MTRFR: variants seen among roughly 807,000 people sequenced by gnomAD.
The protein encoded by MTRFR is probable peptide chain release factor C12orf65, mitochondrial.
In MTRFR, 10 loss-of-function variants were observed where a neutral mutation model predicts 11.9. The observed-to-expected ratio is 0.84, with a 90% CI of 0.52 to 1.42. The LOEUF is 1.42. MTRFR is among the 40% of genes most tolerant of loss of function. The probability of loss-of-function intolerance (pLI) is 0.00; values close to 1 mark genes in which losing one functional copy is unlikely to be tolerated. For synonymous variants in MTRFR, 77 were observed against 79.1 expected, an observed-to-expected ratio of 0.97 and a Z score of 0.14; for missense variants, 196 against 197.9, an observed-to-expected ratio of 0.99 and a Z score of 0.06.
chr12:123,254,401 G>A (rs2048158621), intron 2 of MTRFR: 1 of 201,362 alleles, frequency 5.0e-6, no homozygotes, highest in African/African-American at 2.3e-5. Flanking sequence ...GAGGCGGCAA[G>A]CAGGCATGGG....
chr12:123,240,013 G>A (rs2047906273), intron 1 of MTRFR, among the ~76,000 whole-genome samples: 1 of 152,050 alleles, frequency 6.6e-6, no homozygotes, highest in South Asian at 2.1e-4. Flanking sequence ...ACTTAGCCTT[G>A]CCATGGGGTG....
chr12:123,244,577 AATC>A (rs1208852757), intron 1 of MTRFR, among the ~76,000 whole-genome samples: 1 of 152,220 alleles, frequency 6.6e-6, no homozygotes, highest in African/African-American at 2.4e-5. Context: ...TTTTACTACA[AATC>A]AGCCTCAAGC....
intron 1 of MTRFR, among the ~76,000 whole-genome samples, chr12:123,241,144 T>G (rs532923580): frequency 6.7e-6 from 1 of 149,416 alleles, no homozygotes; most frequent in South Asian, 2.2e-4. Flanking sequence ...TGGGGTTGTT[T>G]TTTTTTTGTT....
rs539348769 is a variant in MTRFR, at chr12:123,247,544, A to G, written c.-28-6103A>G. ...AAGTTTACGTGAGTCTTTATGTGTT[A>G]GGTGAGTCTCCTGAGGGCAGCAGAT... is the stretch of plus-strand genomic sequence containing the variant. On this transcript the variant is annotated intron_variant, in intron 1 of 2. Transcript: ENST00000253233. Among the ~76,000 whole-genome samples, 28 of 152,300 alleles carry G rather than the reference A, an allele frequency of 1.8e-4. No individual in the cohort carries two copies. In the South Asian group the frequency reaches 5.8e-3, roughly 32 times the overall value.
At chr12:123,251,621 GT>G (rs974287867) in intron 1 of MTRFR, 3 of 152,724 alleles carry the variant, frequency 2.0e-5, no homozygotes, top group Non-Finnish European at 4.4e-5. Flanking sequence ...CAGTGGGGGG[GT>G]GTGTGTTCGG....
chr12:123,252,311 T>C (rs987568784), intron 1 of MTRFR: 1 of 152,108 alleles, frequency 6.6e-6, no homozygotes, highest in Non-Finnish European at 1.5e-5. Flanking sequence ...CTGCCTGTAG[T>C]CTTCACCTAC....
intron 1 of MTRFR, among the ~76,000 whole-genome samples, chr12:123,236,592 C>CA (rs113568323): frequency 0.085 from 9,027 of 105,784 alleles, 286 homozygotes; most frequent in South Asian, 0.15. Context: ...GACCCTGTCT[C>CA]AAAAAAAAAA....
At chr12:123,247,789 C>T (rs2048063411) in intron 1 of MTRFR, among the ~76,000 whole-genome samples, 1 of 151,954 alleles carries the variant, frequency 6.6e-6, no homozygotes, top group Admixed American at 6.6e-5. Flanking sequence ...ACTAAAAATA[C>T]AAAAAATTAG....
chr12:123,256,189 C>T (rs2048180248), intron 2 of MTRFR, among the ~76,000 whole-genome samples: 2 of 152,178 alleles, frequency 1.3e-5, no homozygotes, highest in Admixed American at 1.3e-4. Flanking sequence ...TCAGACAGAA[C>T]TTTATGCTTA....
intron 1 of MTRFR, among the ~76,000 whole-genome samples, chr12:123,251,771 T>C (rs565288358): frequency 1.3e-5 from 2 of 152,212 alleles, no homozygotes; most frequent in Non-Finnish European, 2.9e-5. Flanking sequence ...TTCTTGCAGT[T>C]GATCTAGAGC....
chr12:123,253,821 C>T lies in MTRFR; in HGVS notation c.147C>T (p.Tyr49=), dbSNP rs1221565482. Residue 49 remains tyrosine (Y), a synonymous_variant, in exon 2 of 3, where the codon TAC becomes TAT. Transcript: ENST00000253233. ...TPVQMAGKKD[Y]PALLSLDENE... The stretch of plus-strand genomic sequence containing the variant: ...TCCAGATGGCAGGCAAGAAGGACTA[C>T]CCTGCACTGCTTTCCTTGGATGAGA... 4 of 1,614,096 alleles carry T rather than the reference C, an allele frequency of 2.5e-6. No individual in the cohort carries two copies. The African/African-American group carries it at 4.0e-5, about 16-fold the overall frequency.
intron 1 of MTRFR, among the ~76,000 whole-genome samples, chr12:123,235,218 T>TCTC (rs2047825886): frequency 6.6e-6 from 1 of 152,202 alleles, no homozygotes; most frequent in Admixed American, 6.5e-5. Context: ...GGTAGTAGTA[T>TCTC]CTCCATTCTA....
chr12:123,254,396 G>A (rs192905574), intron 2 of MTRFR: 146 of 201,222 alleles, frequency 7.3e-4, no homozygotes, highest in African/African-American at 2.4e-3. Context: ...CTGAGGAGGC[G>A]GCAAGCAGGC....
intron 1 of MTRFR, among the ~76,000 whole-genome samples, chr12:123,242,334 G>A (rs1053846981): frequency 1.9e-4 from 29 of 152,160 alleles, no homozygotes; most frequent in African/African-American, 4.8e-5. Flanking sequence ...TGTCATGACT[G>A]CTGGTTTCCT....
intron 1 of MTRFR, 186 bp from the exon 2 acceptor site, chr12:123,253,461 A>C (rs2048140572): frequency 1.7e-6 from 1 of 594,534 alleles, no homozygotes; most frequent in South Asian, 1.9e-5. Context: ...GTAACATGGC[A>C]GACAGTGCAA....
At chr12:123,237,925 TCA>T (rs536671345) in intron 1 of MTRFR, among the ~76,000 whole-genome samples, 293 of 151,356 alleles carry the variant, frequency 1.9e-3, no homozygotes, top group African/African-American at 6.8e-3. Flanking sequence ...AGACGGAGTC[TCA>T]CTCTGTCACC....
intron 1 of MTRFR, among the ~76,000 whole-genome samples, chr12:123,235,949 A>C (rs2138738407): frequency 6.6e-6 from 1 of 152,150 alleles, no homozygotes; most frequent in African/African-American, 2.4e-5. Context: ...CTATAATCCC[A>C]GCTACTTGGG....
chr12:123,243,715 TAAAAA>T (rs902974336), intron 1 of MTRFR: 1 of 151,668 alleles, frequency 6.6e-6, no homozygotes, highest in Non-Finnish European at 1.5e-5. Context: ...AAATAAAAAA[TAAAAA>T]AGAAATAGCA....
chr12:123,234,713 T>C (rs1482191856), intron 1 of MTRFR, among the ~76,000 whole-genome samples: 1 of 152,194 alleles, frequency 6.6e-6, no homozygotes, highest in African/African-American at 2.4e-5. Flanking sequence ...AAAGGGTAAA[T>C]TTGATGTTAT....
Sources: gnomAD v4.1 joint callset for allele counts (sites outside exome capture counted in the v4.1 genomes callset) on GRCh38, gnomAD v4.1.1 for gene constraint, MANE v1.5 for transcripts, NCBI Gene and HGNC (gene_info 2026-07-23, HGNC 2026-07-21) for gene names.